MCTP2: variants seen among roughly 807,000 people sequenced by gnomAD.
MCTP2 encodes the protein multiple C2 and transmembrane domain-containing protein 2.
A neutral mutation model predicts 111.6 loss-of-function variants in MCTP2; 132 were observed. That is an observed-to-expected ratio of 1.18 (90% confidence interval 1.03 to 1.37). MCTP2 has a LOEUF of 1.37. Among genes scored for constraint, MCTP2 ranks in the 40% most tolerant of loss-of-function variants. The pLI, the probability that MCTP2 is intolerant of heterozygous loss-of-function variation, is 0.00. For missense variants in MCTP2, 1,183 were observed against 1,067.9 expected (o/e 1.11, Z -1.50); for synonymous variants, 395 against 387.7 (o/e 1.02, Z -0.22).
rs2076339441 is a variant in MCTP2, at chr15:94,315,519, A to T, written c.529-10A>T. On this transcript the variant is annotated splice_polypyrimidine_tract_variant and intron_variant, in intron 3 of 22. Coordinates refer to ENST00000357742, the MANE Select transcript of MCTP2 (RefSeq NM_001385001.1). ...ACATACTGTCTTAACTGCCTTCTCC[A>T]TCTGTGCAGGTACCGGGGGAAGCCA... 6.2e-7 allele frequency: 1 copy of T among 1,605,416 alleles called. No individual in the cohort carries two copies. The highest frequency in any genetic ancestry group is 1.7e-5 in the Admixed American group (1 of 59,940).
At chr15:94,369,710 G>A (rs530828868) in intron 11 of MCTP2, among the ~76,000 whole-genome samples, 1 of 152,164 alleles carries the variant, frequency 6.6e-6, no homozygotes, top group Non-Finnish European at 1.5e-5. Context: ...TCAGAATAAT[G>A]TTGTGTTTCA....
intron 4 of MCTP2, among the ~76,000 whole-genome samples, chr15:94,322,612 T>C (rs1596353519): frequency 5.9e-5 from 9 of 152,358 alleles, no homozygotes; most frequent in Admixed American, 2.6e-4. Flanking sequence ...TAGAATATCA[T>C]GGTCTGATTT....
At chr15:94,447,637 A>T (rs1042849857) in intron 19 of MCTP2, among the ~76,000 whole-genome samples, 1 of 136,702 alleles carries the variant, frequency 7.3e-6, no homozygotes, top group African/African-American at 2.9e-5. Context: ...ATGGCCTCCC[A>T]AAGTTCTGGG....
At chr15:94,408,306 G>A (rs2081998558) in intron 17 of MCTP2, among the ~76,000 whole-genome samples, 1 of 151,932 alleles carries the variant, frequency 6.6e-6, no homozygotes, top group South Asian at 2.1e-4. Context: ...ACCAGAAGAA[G>A]AGGGGTTTTA....
intron 20 of MCTP2, among the ~76,000 whole-genome samples, chr15:94,459,051 A>T (rs2085023073): frequency 1.3e-5 from 2 of 152,200 alleles, no homozygotes; most frequent in Admixed American, 1.3e-4. Context: ...TTTGTTTTAT[A>T]CATTATCAAC....
intron 20 of MCTP2, among the ~76,000 whole-genome samples, chr15:94,466,147 G>C (rs1196348823): frequency 1.3e-5 from 2 of 151,900 alleles, no homozygotes; most frequent in Admixed American, 1.3e-4. Flanking sequence ...ATATCTTCAA[G>C]CATCTCTTAC....
At chr15:94,427,289 A>T (rs2082941589) in intron 17 of MCTP2, among the ~76,000 whole-genome samples, 1 of 152,160 alleles carries the variant, frequency 6.6e-6, no homozygotes, top group Admixed American at 6.5e-5. Flanking sequence ...GTGAATTGAC[A>T]AAAACAAGTG....
At chr15:94,408,801 A>G (rs2152483271) in intron 17 of MCTP2, among the ~76,000 whole-genome samples, 1 of 152,336 alleles carries the variant, frequency 6.6e-6, no homozygotes, top group South Asian at 2.1e-4. Flanking sequence ...AATTTTGACT[A>G]GTAAACATTA....
intron 1 of MCTP2, among the ~76,000 whole-genome samples, chr15:94,279,887 A>T (rs1218723936): frequency 1.3e-5 from 2 of 152,072 alleles, no homozygotes; most frequent in Non-Finnish European, 2.9e-5. Context: ...TTTTAGTTCT[A>T]TTTATGCGAT....
At chr15:94,284,641 G>T (rs1001908855) in intron 1 of MCTP2, among the ~76,000 whole-genome samples, 20 of 152,320 alleles carry the variant, frequency 1.3e-4, no homozygotes, top group Admixed American at 1.3e-4. Flanking sequence ...AGAATATGTG[G>T]ATGAAATAAA....
intron 17 of MCTP2, among the ~76,000 whole-genome samples, chr15:94,404,493 G>A (rs1228881948): frequency 4.6e-5 from 7 of 151,806 alleles, no homozygotes; most frequent in Non-Finnish European, 1.0e-4. Flanking sequence ...GTAGAGACGG[G>A]GTTTCGTCAT....
intron 7 of MCTP2, chr15:94,342,583 C>A (rs1362146475): frequency 6.9e-6 from 1 of 144,190 alleles, no homozygotes; most frequent in Non-Finnish European, 1.5e-5. Flanking sequence ...TATTTTTATC[C>A]CCATATATAC....
At chr15:94,237,968 C>G (rs140852931) in intron 1 of MCTP2, among the ~76,000 whole-genome samples, 1 of 152,228 alleles carries the variant, frequency 6.6e-6, no homozygotes, top group East Asian at 1.9e-4. Flanking sequence ...AGCCACCCCC[C>G]GCCCCGCGCA....
At chr15:94,448,365 C>T (rs1039598105) in intron 19 of MCTP2, among the ~76,000 whole-genome samples, 1 of 152,086 alleles carries the variant, frequency 6.6e-6, no homozygotes, top group African/African-American at 2.4e-5. Context: ...TGTGATATGC[C>T]AGACTCAATT....
chr15:94,377,575 A>G (rs904770594), intron 12 of MCTP2, among the ~76,000 whole-genome samples: 3 of 152,146 alleles, frequency 2.0e-5, no homozygotes, highest in Non-Finnish European at 4.4e-5. Flanking sequence ...TTCCATATTA[A>G]TGGGTGGGTT....
intron 19 of MCTP2, among the ~76,000 whole-genome samples, chr15:94,447,794 A>G (rs2070179500): frequency 6.6e-6 from 1 of 152,262 alleles, no homozygotes; most frequent in South Asian, 2.1e-4. Flanking sequence ...TTAAGAAAAT[A>G]AAAAGCCAGA....
At chr15:94,358,456 A>G in intron 9 of MCTP2, 26 bp from the exon 10 acceptor site, 1 of 1,590,266 alleles carries the variant, frequency 6.3e-7, no homozygotes, top group Non-Finnish European at 8.6e-7. Flanking sequence ...TTAAGAAAAT[A>G]AATATTATAA....
intron 1 of MCTP2, among the ~76,000 whole-genome samples, chr15:94,277,200 C>A (rs1226244368): frequency 6.6e-6 from 1 of 151,964 alleles, no homozygotes; most frequent in Non-Finnish European, 1.5e-5. Context: ...TTATGAGATA[C>A]CTAGGAATTA....
rs199807762 is a variant in MCTP2 at position 94,244,249 on chromosome 15, CAT to C, written c.-66+12588_-66+12589del. Among the ~76,000 whole-genome samples the C allele has an allele frequency of 1.9e-3, 264 of 140,386 alleles. 11 individuals are homozygous for C. Among genetic ancestry groups the C allele is most frequent in the African/African-American group, 6.8e-3 (242 of 35,634 alleles). The allele number at this position is 140,386 out of a possible 152,430, so 92.1% of individuals were successfully genotyped here. A position where few individuals can be genotyped will look rare whatever the true frequency, so the allele number is the denominator to read the frequency against. On this transcript the variant is annotated intron_variant, in intron 1 of 22. Transcript: ENST00000357742. ...ATATATTTATATACACGTGTATACA[CAT>C]ATGTGTATATATTTATATACACACA...
Sources: gnomAD v4.1 joint callset for allele counts (sites outside exome capture counted in the v4.1 genomes callset) on GRCh38, gnomAD v4.1.1 for gene constraint, MANE v1.5 for transcripts, NCBI Gene and HGNC (gene_info 2026-07-23, HGNC 2026-07-21) for gene names.